Variants in CHERP observed in about 807,000 individuals in gnomAD.
CHERP encodes the protein ERPROT 213-21.
In CHERP, 8 loss-of-function variants were observed where a neutral mutation model predicts 113.8. That is an observed-to-expected ratio of 0.07 (90% CI 0.04 to 0.13). The LOEUF (loss-of-function observed/expected upper bound fraction) is 0.13. Among genes scored for constraint, CHERP ranks in the 10% least tolerant of loss-of-function variants. CHERP has a pLI of 1.00. For missense variants in CHERP, 884 were observed against 1,298.2 expected, an observed-to-expected ratio of 0.68 and a Z score of 4.90; for synonymous variants, 559 against 524.5, an observed-to-expected ratio of 1.07 and a Z score of -0.90.
At chr19:16,521,764 T>G in intron 11 of CHERP, 110 bp from the exon 12 acceptor site, 2 of 1,049,024 alleles carry the variant, frequency 1.9e-6, no homozygotes, top group South Asian at 2.2e-5. Context: ...GTGTCAAGGG[T>G]ACCCTGGGCA....
At chr19:16,537,750 C>A (rs1351979618) in intron 2 of CHERP, among the ~76,000 whole-genome samples, 1 of 152,116 alleles carries the variant, frequency 6.6e-6, no homozygotes, top group African/African-American at 2.4e-5. Flanking sequence ...TGCATCAGGT[C>A]CCATCCCTCT....
At position 16,519,976 on chromosome 19, in the gene CHERP, G is replaced by A. The variant is rs2085593560; in HGVS notation, c.2462+173C>T. ...GGTTAGAAAGCAGACCCCAGTTACTGCCTCAGGCTTCGCCAAGTGGCTACT... is the reference window on the plus strand; with the variant it reads ...GGTTAGAAAGCAGACCCCAGTTACTACCTCAGGCTTCGCCAAGTGGCTACT... On this transcript the variant is annotated intron_variant, in intron 15 of 16. Coordinates refer to ENST00000546361, the MANE Select transcript of CHERP (RefSeq NM_006387.6). The surrounding 1 kb of genome is among the most constrained non-coding windows in gnomAD (Gnocchi z 6.0). 3 of 732,062 alleles carry A rather than the reference G, an allele frequency of 4.1e-6. No individual in the cohort carries two copies. Among genetic ancestry groups the A allele is most frequent in the East Asian group, 2.6e-5 (1 of 38,660 alleles). The allele number at this position is 732,062 out of a possible 1,614,324, so 45.3% of individuals were successfully genotyped here. A position where few individuals can be genotyped will look rare whatever the true frequency, so the allele number is the denominator to read the frequency against.
Position 16,525,313 on chromosome 19 carries a change from G to A in CHERP, c.1670C>T (p.Pro557Leu), listed in dbSNP as rs1447662052. ...CGGCCGCTCGAAGGGGTGCCGTGGC[G>A]GGAAGTCGTCCTGCATGAAGCGGGG... ...FPPRFMQDDF[P>L]PRHPFERPPY... The change falls in exon 10 of 17, where the codon CCG becomes CTG. Residue 557 changes from proline to leucine, a missense_variant. By Grantham distance (98) the Pro-to-Leu change is moderately conservative (BLOSUM62 -3). This residue lies in a region of CHERP where 464 missense variants were observed against 590.1 expected (regional missense o/e 0.79). Coordinates refer to ENST00000546361, the MANE Select transcript of CHERP (RefSeq NM_006387.6). This position sits in a 1 kb window ranked among gnomAD's most constrained non-coding sequence, Gnocchi z 6.5. The A allele has an allele frequency of 2.1e-6, 3 of 1,456,476 alleles. No individual in the cohort carries two copies. The highest frequency in any genetic ancestry group is 5.1e-5 in the East Asian group (2 of 39,114). 90.2% of individuals were successfully genotyped at this position (1,456,476 alleles called of 1,614,324 possible).
Position 16,525,135 on chromosome 19 carries a change from C to T in CHERP, c.1741+107G>A. The T allele has an allele frequency of 2.7e-6, 3 of 1,091,196 alleles. 1 individual carries two copies. The South Asian group carries it at 6.9e-5, about 25-fold the overall frequency. The allele number at this position is 1,091,196 out of a possible 1,614,324, so 67.6% of individuals were successfully genotyped here. On this transcript the variant is annotated intron_variant, in intron 10 of 16. Transcript: ENST00000546361. This position sits in a 1 kb window ranked among gnomAD's most constrained non-coding sequence, Gnocchi z 6.5. ...ACGTCCCATGACCCTGTGTCTGTCA[C>T]TGTGCACTCAGGAGCATGGCAGGGC... is the stretch of plus-strand genomic sequence containing the variant.
Position 16,532,354 on chromosome 19 carries a change from G to A in CHERP, c.674+244C>T, listed in dbSNP as rs1446408821. On this transcript the variant is annotated intron_variant, in intron 5 of 16. Coordinates refer to ENST00000546361, the MANE Select transcript of CHERP (RefSeq NM_006387.6). This position sits in a 1 kb window ranked among gnomAD's most constrained non-coding sequence, Gnocchi z 4.4. ...CCCAGGAGACAGCAATGTGACAGGT[G>A]AGGCCGGGGTCTAGGGGAGAGGACA... 2 of 473,044 alleles carry A rather than the reference G, an allele frequency of 4.2e-6. No individual in the cohort carries two copies. The highest frequency in any genetic ancestry group is 7.5e-6 in the Non-Finnish European group (2 of 266,818). The allele number at this position is 473,044 out of a possible 1,614,324, so 29.3% of individuals were successfully genotyped here.
chr19:16,542,201 G>A (rs969763961), intron 1 of CHERP, 153 bp downstream of exon 1: 1 of 1,071,926 alleles, frequency 9.3e-7, no homozygotes, highest in Non-Finnish European at 1.3e-6. Context: ...CCACACGCTC[G>A]CCGGGAATGC....
intron 2 of CHERP, 113 bp downstream of exon 2, chr19:16,541,757 C>T (rs1050874398): frequency 9.0e-7 from 1 of 1,115,024 alleles, no homozygotes; most frequent in Non-Finnish European, 1.3e-6. Context: ...GACCGAGCTG[C>T]TCCACTTCAA....
chr19:16,522,586 T>C (rs1011766599), intron 11 of CHERP, among the ~76,000 whole-genome samples: 1 of 152,074 alleles, frequency 6.6e-6, no homozygotes, highest in Non-Finnish European at 1.5e-5. Flanking sequence ...GCCTCACCTC[T>C]TGCCCTATGC....
In CHERP at chr19:16,519,342, G is replaced by A. The variant is rs369893189; in HGVS notation, c.2568C>T (p.Gly856=). 2 of 1,611,034 alleles carry A rather than the reference G, an allele frequency of 1.2e-6. No individual in the cohort carries two copies. Among genetic ancestry groups the A allele is most frequent in the African/African-American group, 2.7e-5 (2 of 74,828 alleles). ...HQMLVKMGWS[G]SGGLGAKEQG... Reference sequence around the variant, plus strand: ...GCTCCTTCGCACCGAGGCCGCCTGAGCCGCTCCAGCCTGGAAACAGAGACG... The same window carrying A: ...GCTCCTTCGCACCGAGGCCGCCTGAACCGCTCCAGCCTGGAAACAGAGACG... Residue 856 remains glycine, a synonymous_variant, in exon 17 of 17, where the codon GGC becomes GGT. Coordinates refer to ENST00000546361, the MANE Select transcript of CHERP (RefSeq NM_006387.6). This position sits in a 1 kb window ranked among gnomAD's most constrained non-coding sequence, Gnocchi z 6.0.
chr19:16,530,850 G>A lies in CHERP; in HGVS notation c.705C>T (p.Ala235=), dbSNP rs533383480. 109 of 1,613,692 alleles carry A rather than the reference G, an allele frequency of 6.8e-5. 1 individual carries two copies. In the South Asian group the frequency reaches 8.3e-4, roughly 12 times the overall value. The change falls in exon 6 of 17, where the codon GCC becomes GCT. Residue 235 remains alanine (A), a synonymous_variant. Transcript: ENST00000546361. The surrounding 1 kb of genome is among the most constrained non-coding windows in gnomAD (Gnocchi z 4.1). ...CQRKQARELL[A]ALQKVVVPIY... Reference sequence around the variant, plus strand: ...TGGGCACCACGACCTTCTGCAGGGCGGCCAGCAGCTCCCGGGCCTGCTTGC... The same window carrying A: ...TGGGCACCACGACCTTCTGCAGGGCAGCCAGCAGCTCCCGGGCCTGCTTGC...
chr19:16,534,093 G>A (rs993415258), intron 3 of CHERP, among the ~76,000 whole-genome samples: 2 of 145,802 alleles, frequency 1.4e-5, no homozygotes, highest in East Asian at 2.0e-4. Context: ...TCGCTCTGTC[G>A]CCCAGGCTGA....
chr19:16,519,762 T>A lies in CHERP; in HGVS notation c.2463-47A>T. On this transcript the variant is annotated intron_variant, in intron 15 of 16. Coordinates refer to ENST00000546361, the MANE Select transcript of CHERP (RefSeq NM_006387.6). This position sits in a 1 kb window ranked among gnomAD's most constrained non-coding sequence, Gnocchi z 6.0. ...CTTTTTAAGAAGTAACTGAGACATT[T>A]ATTGGAATGACAGTGATGAGGACCT... 6.7e-7 allele frequency: 1 copy of A among 1,499,142 alleles called. No homozygotes were observed. The highest frequency in any genetic ancestry group is 9.3e-7 in the Non-Finnish European group (1 of 1,075,736). The allele number at this position is 1,499,142 out of a possible 1,614,324, so 92.9% of individuals were successfully genotyped here.
At position 16,532,193 on chromosome 19, in the gene CHERP, C is replaced by A. The variant is rs1022831963; in HGVS notation, c.674+405G>T. 1.7e-5 allele frequency: 3 copies of A among 177,208 alleles called. No homozygotes were observed. The highest frequency in any genetic ancestry group is 7.1e-5 in the African/African-American group (3 of 42,080). The allele number at this position is 177,208 out of a possible 1,614,324, so 11.0% of individuals were successfully genotyped here. On this transcript the variant is annotated intron_variant, in intron 5 of 16. Coordinates refer to ENST00000546361, the MANE Select transcript of CHERP (RefSeq NM_006387.6). This position sits in a 1 kb window ranked among gnomAD's most constrained non-coding sequence, Gnocchi z 4.4. ...CTGATGGCTGAGCAAAGTCAGGTGACCGCGTGTGTGTGCGTGCAAATCAGT... is the reference window on the plus strand; with the variant it reads ...CTGATGGCTGAGCAAAGTCAGGTGAACGCGTGTGTGTGCGTGCAAATCAGT...
chr19:16,532,368 G>A lies in CHERP; in HGVS notation c.674+230C>T, dbSNP rs1417312198. On this transcript the variant is annotated intron_variant, in intron 5 of 16. Coordinates refer to ENST00000546361, the MANE Select transcript of CHERP (RefSeq NM_006387.6). This position sits in a 1 kb window ranked among gnomAD's most constrained non-coding sequence, Gnocchi z 4.4. ...ATGTGACAGGTGAGGCCGGGGTCTA[G>A]GGGAGAGGACAGGGCATGCAGCGAA... 1 of 533,780 alleles carries A rather than the reference G, an allele frequency of 1.9e-6. No individual in the cohort carries two copies. The highest frequency in any genetic ancestry group is 3.3e-6 in the Non-Finnish European group (1 of 303,164). 33.1% of individuals were successfully genotyped at this position (533,780 alleles called of 1,614,324 possible).
intron 1 of CHERP, 139 bp downstream of exon 1, chr19:16,542,215 G>C: frequency 9.3e-7 from 1 of 1,071,084 alleles, no homozygotes; most frequent in Non-Finnish European, 1.3e-6. Flanking sequence ...GGAATGCGGG[G>C]ACCCACGGGA....
In CHERP at chr19:16,519,534, T is replaced by C. The variant is rs1406263132; in HGVS notation, c.2557+87A>G. The C allele has an allele frequency of 3.2e-5, 43 of 1,323,998 alleles. No individual in the cohort carries two copies. Among genetic ancestry groups the C allele is most frequent in the Non-Finnish European group, 4.5e-5 (41 of 920,794 alleles). 82.0% of individuals were successfully genotyped at this position (1,323,998 alleles called of 1,614,324 possible). A position where few individuals can be genotyped will look rare whatever the true frequency, so the allele number is the denominator to read the frequency against. On this transcript the variant is annotated intron_variant, in intron 16 of 16. Transcript: ENST00000546361. This position sits in a 1 kb window ranked among gnomAD's most constrained non-coding sequence, Gnocchi z 6.0. ...CGGCCTGACTCCATCCATCCCCACA[T>C]GCACTGAGGAAGAGAAAGCGCTGGT... is the stretch of plus-strand genomic sequence containing the variant.
At chr19:16,536,449 C>T (rs1037870257) in intron 2 of CHERP, among the ~76,000 whole-genome samples, 1 of 152,168 alleles carries the variant, frequency 6.6e-6, no homozygotes, top group African/African-American at 2.4e-5. Flanking sequence ...TGGAGCCCTC[C>T]AGAGCCCCAC....
In CHERP at chr19:16,519,095, A is replaced by T; in HGVS notation, c.*64T>A. 7.0e-7 allele frequency: 1 copy of T among 1,432,972 alleles called. No individual in the cohort carries two copies. The highest frequency in any genetic ancestry group is 9.6e-7 in the Non-Finnish European group (1 of 1,043,542). The allele number at this position is 1,432,972 out of a possible 1,614,324, so 88.8% of individuals were successfully genotyped here. On this transcript the variant is annotated 3_prime_UTR_variant, in exon 17 of 17. Coordinates refer to ENST00000546361, the MANE Select transcript of CHERP (RefSeq NM_006387.6). This position sits in a 1 kb window ranked among gnomAD's most constrained non-coding sequence, Gnocchi z 6.0. ...GCTGTCACTGCAATCTTCCTCTGCC[A>T]GTCAGCCAGGAAGGTCCCACAGCCG...
Position 16,542,429 on chromosome 19 carries a change from G to A in CHERP, c.-51C>T, listed in dbSNP as rs749866335. ...CGGCGCCACACGATCGACCACCAGCGCCGTCTGCGGAAGCCGGCCGGAAGT... is the reference window on the plus strand; with the variant it reads ...CGGCGCCACACGATCGACCACCAGCACCGTCTGCGGAAGCCGGCCGGAAGT... On this transcript the variant is annotated 5_prime_UTR_variant, in exon 1 of 17. Coordinates refer to ENST00000546361, the MANE Select transcript of CHERP (RefSeq NM_006387.6). The A allele has an allele frequency of 1.6e-5, 21 of 1,313,970 alleles. No homozygotes were observed. Among genetic ancestry groups the A allele is most frequent in the Non-Finnish European group, 2.1e-5 (21 of 1,024,258 alleles). 81.4% of individuals were successfully genotyped at this position (1,313,970 alleles called of 1,614,324 possible). A position where few individuals can be genotyped will look rare whatever the true frequency, so the allele number is the denominator to read the frequency against.
Sources: allele counts gnomAD v4.1 joint callset (sites outside exome capture counted in the v4.1 genomes callset), GRCh38; gene constraint gnomAD v4.1.1; regional missense constraint gnomAD v4.1.1; non-coding constraint Gnocchi (gnomAD v3.1); transcripts MANE v1.5; gene names NCBI Gene and HGNC (gene_info 2026-07-23, HGNC 2026-07-21).